The following PLCH1 variants were observed in gnomAD, a reference collection of about 807,000 sequenced individuals.
The protein encoded by PLCH1 is 1-phosphatidylinositol 4,5-bisphosphate phosphodiesterase eta-1.
A neutral mutation model predicts 126.7 loss-of-function variants in PLCH1; 60 were observed. That is an observed-to-expected ratio of 0.47 (90% CI 0.38 to 0.59). The LOEUF (loss-of-function observed/expected upper bound fraction) is 0.59, where lower values mean the gene tolerates loss of function less well. Ranked by LOEUF, PLCH1 falls within the 20% of genes least tolerant of loss-of-function variation. The pLI is 0.00. For synonymous variants in PLCH1, 719 were observed against 734.9 expected (o/e 0.98, Z 0.35); for missense variants, 1,723 against 2,040.0 (o/e 0.84, Z 2.99).
In PLCH1 at chr3:155,579,540, G is replaced by A. The variant is rs556929408; in HGVS notation, c.771+3932C>T. 2.7e-4 allele frequency among the ~76,000 whole-genome samples: 41 copies of A among 152,312 alleles called. 2 individuals are homozygous for A. The Middle Eastern group carries it at 0.017, about 63-fold the overall frequency. On this transcript the variant is annotated intron_variant, in intron 6 of 22. Transcript: ENST00000460012. Reference sequence around the variant, plus strand: ...CACTCCTATTCCACCACACAGTCTAGTAATTTTTAAAACTTCCATGCCAAA... The same window carrying A: ...CACTCCTATTCCACCACACAGTCTAATAATTTTTAAAACTTCCATGCCAAA...
intron 2 of PLCH1, among the ~76,000 whole-genome samples, chr3:155,649,749 T>G (rs1740491362): frequency 6.6e-6 from 1 of 151,718 alleles, no homozygotes. Context: ...GAGGCTGAGG[T>G]GGGTGGATCA....
chr3:155,485,701 G>C lies in PLCH1; in HGVS notation c.2629C>G (p.Leu877Val). 1 of 1,594,990 alleles carries C rather than the reference G, an allele frequency of 6.3e-7. No homozygotes were observed. The highest frequency in any genetic ancestry group is 8.5e-7 in the Non-Finnish European group (1 of 1,174,814). The change falls in exon 22 of 23, where the codon CTC becomes GTC. Residue 877 changes from leucine to valine, a missense_variant. By Grantham distance (32) the Leu-to-Val change is conservative. Transcript: ENST00000460012. ...INEIYGKNRQ[L>V]QGLKGLFNKN... is the part of the protein sequence containing the mutation. ...TTGAACAGTCCCTTCAGACCCTGGA[G>C]TTGTCTGTTCTGAAGACACAAAAGA...
At chr3:155,640,217 G>A (rs1006608510) in intron 2 of PLCH1, among the ~76,000 whole-genome samples, 13 of 152,220 alleles carry the variant, frequency 8.5e-5, no homozygotes, top group African/African-American at 3.1e-4. Flanking sequence ...AGAGAATGAG[G>A]CAGATGGCAG....
intron 1 of PLCH1, among the ~76,000 whole-genome samples, chr3:155,730,171 T>C: frequency 6.6e-6 from 1 of 151,922 alleles, no homozygotes; most frequent in East Asian, 1.9e-4. Context: ...ATATCAGAAA[T>C]TACAAGACAG....
chr3:155,494,588 T>C (rs1716742778), intron 15 of PLCH1, 71 bp from the exon 16 acceptor site: 2 of 1,224,046 alleles, frequency 1.6e-6, no homozygotes, highest in African/African-American at 1.5e-5. Flanking sequence ...CAGAAGACTT[T>C]ATAATAATGT....
intron 21 of PLCH1, among the ~76,000 whole-genome samples, chr3:155,456,154 C>T (rs1278132967): frequency 6.6e-6 from 1 of 152,156 alleles, no homozygotes; most frequent in East Asian, 1.9e-4. Context: ...TCTCAAAATA[C>T]TTTCGTCTCT....
In PLCH1 at chr3:155,488,751, T is replaced by G; in HGVS notation, c.2448A>C (p.Ile816=). The G allele has an allele frequency of 6.2e-7, 1 of 1,613,942 alleles. No individual in the cohort carries two copies. The change falls in exon 20 of 23, where the codon ATA becomes ATC. Residue 816 remains isoleucine, a synonymous_variant. Transcript: ENST00000460012. ...TLTFTVHMPE[I]ALVRFLVWDH... ...CCCACACAAGGAACCGAACCAAAGC[T>G]ATTTCTGGCATGTGTACTGTAAATG...
At chr3:155,486,064 G>T in intron 21 of PLCH1, 1 of 833,652 alleles carries the variant, frequency 1.2e-6, no homozygotes, top group Non-Finnish European at 1.9e-6. Context: ...GCAGGAAGAT[G>T]GAGTGATATG....
intron 10 of PLCH1, among the ~76,000 whole-genome samples, chr3:155,531,569 G>C (rs908054920): frequency 2.6e-5 from 4 of 152,184 alleles, no homozygotes; most frequent in African/African-American, 7.2e-5. Flanking sequence ...AAGTTGTAGT[G>C]ACCCAAGATG....
intron 12 of PLCH1, among the ~76,000 whole-genome samples, chr3:155,506,622 G>A (rs1718795200): frequency 7.1e-6 from 1 of 140,222 alleles, no homozygotes; most frequent in Non-Finnish European, 1.5e-5. Context: ...TTGTTCTTGC[G>A]ATAGTTTACT....
chr3:155,498,148 C>T (rs577691685), intron 14 of PLCH1, among the ~76,000 whole-genome samples: 1 of 152,286 alleles, frequency 6.6e-6, no homozygotes, highest in East Asian at 1.9e-4. Context: ...TAGACATCTT[C>T]TTATGTGACT....
At chr3:155,688,798 A>C (rs1375700841) in intron 2 of PLCH1, among the ~76,000 whole-genome samples, 1 of 152,200 alleles carries the variant, frequency 6.6e-6, no homozygotes, top group African/African-American at 2.4e-5. Context: ...GCCACAGAGA[A>C]AGGCTCCTCT....
chr3:155,521,035 C>T (rs1721024352), intron 11 of PLCH1, among the ~76,000 whole-genome samples: 1 of 152,176 alleles, frequency 6.6e-6, no homozygotes, highest in Non-Finnish European at 1.5e-5. Flanking sequence ...CTGCCTGGAA[C>T]ATTCCTCCTC....
At chr3:155,676,156 C>T (rs1744066498) in intron 2 of PLCH1, 41 of 1,355,570 alleles carry the variant, frequency 3.0e-5, no homozygotes, top group Non-Finnish European at 3.8e-5. Context: ...CAAAGAAATC[C>T]TTAGCAGCCC....
At chr3:155,610,391 C>CAAAAA (rs1381881513) in intron 2 of PLCH1, among the ~76,000 whole-genome samples, 5 of 60,778 alleles carry the variant, frequency 8.2e-5, no homozygotes, top group South Asian at 9.1e-4. Context: ...AAAAAAAAAC[C>CAAAAA]ATCACCTAGG....
chr3:155,496,865 G>T (rs541731772), intron 15 of PLCH1, among the ~76,000 whole-genome samples: 1 of 152,154 alleles, frequency 6.6e-6, no homozygotes, highest in Non-Finnish European at 1.5e-5. Context: ...ACTTCAATCT[G>T]GATTAAGCTA....
chr3:155,694,952 CTT>C (rs201292066), intron 2 of PLCH1, among the ~76,000 whole-genome samples: 77 of 115,120 alleles, frequency 6.7e-4, no homozygotes, highest in Non-Finnish European at 6.8e-4. Context: ...AAAGCTAGTG[CTT>C]TTTTTTTTTT....
At chr3:155,461,161 G>T (rs1712709916) in intron 21 of PLCH1, among the ~76,000 whole-genome samples, 1 of 152,196 alleles carries the variant, frequency 6.6e-6, no homozygotes, top group Admixed American at 6.5e-5. Context: ...CATTATGCTA[G>T]TCTTCTATAT....
At chr3:155,638,450 T>C (rs1285800203) in intron 2 of PLCH1, among the ~76,000 whole-genome samples, 2 of 152,252 alleles carry the variant, frequency 1.3e-5, no homozygotes, top group African/African-American at 4.8e-5. Context: ...TGGTTTGCTT[T>C]CTTTTAGACT....
Sources: allele counts gnomAD v4.1 joint callset (sites outside exome capture counted in the v4.1 genomes callset), GRCh38; gene constraint gnomAD v4.1.1; transcripts MANE v1.5; gene names NCBI Gene and HGNC (gene_info 2026-07-23, HGNC 2026-07-21).